The following EGFR variants were observed in gnomAD, a reference collection of about 807,000 sequenced individuals.
EGFR encodes epidermal growth factor receptor, also known as avian erythroblastic leukemia viral (v-erb-b) oncogene homolog.
In EGFR, 58 loss-of-function variants were observed where a neutral mutation model predicts 143.0. That is an observed-to-expected ratio of 0.41 (90% CI 0.33 to 0.50). The LOEUF (loss-of-function observed/expected upper bound fraction) is 0.50. Among genes scored for constraint, EGFR ranks in the 20% least tolerant of loss-of-function variants. The pLI, the probability that EGFR is intolerant of heterozygous loss-of-function variation, is 0.39. For synonymous variants in EGFR, 613 were observed against 594.4 expected (o/e 1.03, Z -0.45); for missense variants, 1,307 against 1,579.0 (o/e 0.83, Z 2.92).
In EGFR at chr7:55,165,421, C is replaced by A. The variant is rs2128946506; in HGVS notation, c.1864C>A (p.Pro622Thr). ...DAGHVCHLCH[P>T]NCTYGCTGPG... ...CGGCCATGTGTGCCACCTGTGCCAT[C>A]CAAACTGCACCTACGGGTGAGTGGA... The change falls in exon 15 of 28, where the codon CCA becomes ACA. Residue 622 changes from proline to threonine, a missense_variant. Physicochemically the swap from Pro to Thr is conservative, Grantham distance 38. This residue lies in a region of EGFR where 5 missense variants were observed against 23.6 expected (regional missense o/e 0.21). Transcript: ENST00000275493. 2 of 1,613,896 alleles carry A rather than the reference C, an allele frequency of 1.2e-6. No homozygotes were observed. Among genetic ancestry groups the A allele is most frequent in the Non-Finnish European group, 1.7e-6 (2 of 1,179,780 alleles).
intron 1 of EGFR, among the ~76,000 whole-genome samples, chr7:55,078,491 G>A (rs1447659896): frequency 6.6e-6 from 1 of 152,226 alleles, no homozygotes; most frequent in Non-Finnish European, 1.5e-5. Flanking sequence ...TAGGGTTTAT[G>A]TGCGTCCTCC....
intron 14 of EGFR, among the ~76,000 whole-genome samples, chr7:55,164,539 T>C (rs979794406): frequency 1.3e-5 from 2 of 152,188 alleles, no homozygotes; most frequent in Non-Finnish European, 2.9e-5. Context: ...TTGCATGGTG[T>C]TGGGTTAAAT....
chr7:55,172,774 C>T (rs1786408760), intron 16 of EGFR: 2 of 1,418,536 alleles, frequency 1.4e-6, no homozygotes, highest in African/African-American at 2.8e-5. Context: ...AAAAGTGTGC[C>T]TGGTAGGGGA....
chr7:55,182,376 G>T (rs1266578704), intron 20 of EGFR: 2 of 152,344 alleles, frequency 1.3e-5, no homozygotes, highest in Admixed American at 6.5e-5. Context: ...GCCTGGGCAG[G>T]TCCTCCTCAT....
At chr7:55,096,587 A>G (rs887251734) in intron 1 of EGFR, among the ~76,000 whole-genome samples, 3 of 152,186 alleles carry the variant, frequency 2.0e-5, no homozygotes, top group Non-Finnish European at 4.4e-5. Flanking sequence ...GGATCTAGGA[A>G]GCCAAAATGT....
At chr7:55,181,146 G>A in intron 19 of EGFR, 147 bp from the exon 20 acceptor site, 1 of 1,006,238 alleles carries the variant, frequency 9.9e-7, no homozygotes, top group Non-Finnish European at 1.5e-6. Flanking sequence ...CCTGTGCTAG[G>A]TCTTTTGCAG....
At chr7:55,115,721 GA>G (rs1221220545) in intron 1 of EGFR, among the ~76,000 whole-genome samples, 2 of 152,124 alleles carry the variant, frequency 1.3e-5, no homozygotes, top group Non-Finnish European at 2.9e-5. Flanking sequence ...ATAGCACCTG[GA>G]GCTTCCTGTG....
At chr7:55,204,192 A>G (rs1386480755) in intron 27 of EGFR, among the ~76,000 whole-genome samples, 1 of 150,338 alleles carries the variant, frequency 6.7e-6, no homozygotes, top group African/African-American at 2.5e-5. Context: ...CACGACACAC[A>G]CCATACACAT....
chr7:55,111,026 C>G (rs1339888061), intron 1 of EGFR, among the ~76,000 whole-genome samples: 1 of 152,172 alleles, frequency 6.6e-6, no homozygotes, highest in African/African-American at 2.4e-5. Context: ...GCTTTTTCCC[C>G]CCTTCCATTT....
intron 1 of EGFR, among the ~76,000 whole-genome samples, chr7:55,091,867 CA>C (rs1791139626): frequency 2.0e-5 from 3 of 151,576 alleles, no homozygotes; most frequent in Admixed American, 6.6e-5. Flanking sequence ...CACACACACA[CA>C]CACACACACA....
chr7:55,127,458 C>T (rs796772879), intron 1 of EGFR, among the ~76,000 whole-genome samples: 16 of 152,170 alleles, frequency 1.1e-4, no homozygotes, highest in African/African-American at 3.9e-4. Flanking sequence ...CTTCCCACCC[C>T]CTCACCCCCC....
chr7:55,124,396 A>T (rs1293634089), intron 1 of EGFR, among the ~76,000 whole-genome samples: 1 of 152,228 alleles, frequency 6.6e-6, no homozygotes, highest in Non-Finnish European at 1.5e-5. Flanking sequence ...TGCTTAACTC[A>T]GTTCTTAAAT....
chr7:55,192,021 G>A (rs1787419083), intron 21 of EGFR, 147 bp downstream of exon 21: 5 of 1,214,068 alleles, frequency 4.1e-6, no homozygotes, highest in Admixed American at 2.0e-5. Flanking sequence ...CTGGCAGCTG[G>A]GTCCAGCCAG....
chr7:55,183,544 GGGGTGGTCAGCCT>G (rs1479875856), intron 20 of EGFR, among the ~76,000 whole-genome samples: 8 of 152,140 alleles, frequency 5.3e-5, no homozygotes, highest in Non-Finnish European at 1.2e-4. Flanking sequence ...TCTTGGGGAG[GGGGTGGTCAGCCT>G]GGGGCAGATG....
chr7:55,058,393 C>CA lies in EGFR; in HGVS notation c.88+39041dup, dbSNP rs938175363. ...TAGGTGACAGAGCGAGACTCTGTCT[C>CA]AAAAAAAAAAAAAGAACCACTTGCA... On this transcript the variant is annotated intron_variant, in intron 1 of 27. Transcript: ENST00000275493. Among the ~76,000 whole-genome samples, 349 of 117,568 alleles carry CA rather than the reference C, an allele frequency of 3.0e-3. 2 individuals are homozygous for CA. The highest frequency in any genetic ancestry group is 8.1e-3 in the Admixed American group (91 of 11,234). The allele number at this position is 117,568 out of a possible 152,430, so 77.1% of individuals were successfully genotyped here. A position where few individuals can be genotyped will look rare whatever the true frequency, so the allele number is the denominator to read the frequency against.
intron 1 of EGFR, among the ~76,000 whole-genome samples, chr7:55,120,017 G>A (rs1793102283): frequency 6.6e-6 from 1 of 152,228 alleles, no homozygotes; most frequent in Admixed American, 6.5e-5. Context: ...ATAGTGCTGA[G>A]GCCAGTATGC....
chr7:55,157,051 G>C (rs1047362372), intron 10 of EGFR: 18 of 1,198,208 alleles, frequency 1.5e-5, no homozygotes, highest in East Asian at 2.7e-5. Context: ...GTGTAAACAC[G>C]CTTTCTCCCT....
intron 1 of EGFR, among the ~76,000 whole-genome samples, chr7:55,035,528 A>G (rs1787510854): frequency 6.6e-6 from 1 of 151,620 alleles, no homozygotes; most frequent in Non-Finnish European, 1.5e-5. Flanking sequence ...AAAAACAAAA[A>G]AAAAACTAGC....
At chr7:55,170,844 CTGTT>C (rs1786313917) in intron 15 of EGFR, 4 of 1,412,666 alleles carry the variant, frequency 2.8e-6, no homozygotes, top group African/African-American at 1.4e-5. Flanking sequence ...TTCTGCCCCT[CTGTT>C]TGAAATTCTA....
Sources: gnomAD v4.1 joint callset for allele counts (sites outside exome capture counted in the v4.1 genomes callset) on GRCh38, gnomAD v4.1.1 for gene constraint, gnomAD v4.1.1 regional missense constraint, MANE v1.5 for transcripts, NCBI Gene and HGNC (gene_info 2026-07-23, HGNC 2026-07-21) for gene names.